C12orf42: variants seen among roughly 807,000 people sequenced by gnomAD.
C12orf42 encodes the protein uncharacterized protein C12orf42.
Under a neutral mutation model 21.6 loss-of-function variants are expected in C12orf42, and 25 were observed. That is an observed-to-expected ratio of 1.16 (90% CI 0.84 to 1.62). The LOEUF is 1.62. Among genes scored for constraint, C12orf42 ranks in the 40% most tolerant of loss-of-function variants. The pLI is 0.00. For missense variants in C12orf42, 483 were observed against 459.3 expected, an observed-to-expected ratio of 1.05 and a Z score of -0.47; for synonymous variants, 174 against 175.0, an observed-to-expected ratio of 0.99 and a Z score of 0.05.
chr12:103,390,140 T>C (rs1296431831), intron 3 of C12orf42, among the ~76,000 whole-genome samples: 2 of 152,224 alleles, frequency 1.3e-5, no homozygotes, highest in Non-Finnish European at 1.5e-5. Context: ...GTATGTGATA[T>C]AAGAGATCTG....
chr12:103,202,069 C>T, the C12orf42 span, among the ~76,000 whole-genome samples: 2 of 152,206 alleles, frequency 1.3e-5, no homozygotes, highest in Admixed American at 1.3e-4. Flanking sequence ...CCAGCAACCA[C>T]AGACTCTGGG....
At chr12:103,363,577 C>T (rs1173622475) in intron 4 of C12orf42, among the ~76,000 whole-genome samples, 1 of 152,064 alleles carries the variant, frequency 6.6e-6, no homozygotes, top group African/African-American at 2.4e-5. Flanking sequence ...ATTCACCAAC[C>T]AAGTATCTGC....
chr12:103,383,837 G>A (rs2046373857), intron 3 of C12orf42, among the ~76,000 whole-genome samples: 1 of 152,124 alleles, frequency 6.6e-6, no homozygotes, highest in African/African-American at 2.4e-5. Flanking sequence ...ATACCAATAA[G>A]GTGCCTAGTC....
chr12:103,279,040 C>T lies in C12orf42; in HGVS notation n.338-1830G>A, dbSNP rs576439369. On this transcript the variant is annotated intron_variant and non_coding_transcript_variant, in intron 4 of 6. Coordinates refer to the C12orf42 transcript ENST00000546526. ...CCTCTGGGCTCATCTGCATTGTTGC[C>T]TAAGGCAGGATTTCCTTCTCTTTTA... 2.6e-5 allele frequency among the ~76,000 whole-genome samples: 4 copies of T among 152,308 alleles called. No homozygotes were observed. The East Asian group carries it at 7.7e-4, about 29-fold the overall frequency.
chr12:103,454,540 G>T (rs1381173304), intron 2 of C12orf42, among the ~76,000 whole-genome samples: 1 of 152,002 alleles, frequency 6.6e-6, no homozygotes, highest in Non-Finnish European at 1.5e-5. Flanking sequence ...ATCCAAAAAA[G>T]ACCTTATCTA....
chr12:103,093,561 GAGGAACA>G, the C12orf42 span, among the ~76,000 whole-genome samples: 1 of 152,104 alleles, frequency 6.6e-6, no homozygotes, highest in African/African-American at 2.4e-5. Context: ...GGAAAGGTGA[GAGGAACA>G]AAGGGGATGT....
At chr12:103,486,058 A>G (rs988326170) in intron 1 of C12orf42, among the ~76,000 whole-genome samples, 6 of 152,222 alleles carry the variant, frequency 3.9e-5, no homozygotes, top group African/African-American at 1.4e-4. Flanking sequence ...GCCAGTTTTC[A>G]AAGGGAATGC....
At chr12:103,423,382 C>T (rs140186387) in intron 2 of C12orf42, among the ~76,000 whole-genome samples, 203 of 152,282 alleles carry the variant, frequency 1.3e-3, no homozygotes, top group African/African-American at 4.8e-3. Flanking sequence ...ATTCATAAAT[C>T]TTGAGGCTTA....
At chr12:103,524,962 TG>T in the C12orf42 span, among the ~76,000 whole-genome samples, 150 of 23,390 alleles carry the variant, frequency 6.4e-3, no homozygotes, top group African/African-American at 0.011. Flanking sequence ...TTAGTTTTTT[TG>T]GGGGGGGGGC....
chr12:103,378,040 AT>A (rs1481344235), intron 3 of C12orf42, among the ~76,000 whole-genome samples: 1 of 152,200 alleles, frequency 6.6e-6, no homozygotes, highest in Non-Finnish European at 1.5e-5. Context: ...GTTGTAGGGA[AT>A]GCTGGGGTAA....
At chr12:103,357,311 A>AAAT (rs1033964233) in intron 4 of C12orf42, among the ~76,000 whole-genome samples, 1 of 151,638 alleles carries the variant, frequency 6.6e-6, no homozygotes, top group Admixed American at 6.6e-5. Context: ...ATAAAATAAA[A>AAAT]AATAATAATA....
At chr12:103,210,644 T>C in the C12orf42 span, among the ~76,000 whole-genome samples, 433 of 149,064 alleles carry the variant, frequency 2.9e-3, 1 homozygote, top group African/African-American at 7.9e-3. Context: ...TATTTCTTTT[T>C]TTTTTTTTTT....
chr12:103,320,293 A>C (rs535376214), intron 4 of C12orf42, among the ~76,000 whole-genome samples: 3 of 152,378 alleles, frequency 2.0e-5, no homozygotes, highest in African/African-American at 7.2e-5. Flanking sequence ...ATATTAACTT[A>C]ATAACATGTA....
the C12orf42 span, among the ~76,000 whole-genome samples, chr12:103,145,009 GAT>G: frequency 6.6e-6 from 1 of 152,020 alleles, no homozygotes; most frequent in Non-Finnish European, 1.5e-5. Flanking sequence ...ATCTACCCTG[GAT>G]ATATTGGGGC....
the C12orf42 span, among the ~76,000 whole-genome samples, chr12:103,542,451 G>A: frequency 6.6e-6 from 1 of 152,216 alleles, no homozygotes; most frequent in African/African-American, 2.4e-5. Context: ...AGGCCACATC[G>A]ATGCAGGTTT....
intron 4 of C12orf42, among the ~76,000 whole-genome samples, chr12:103,284,841 CT>C (rs2036345464): frequency 6.6e-6 from 1 of 152,120 alleles, no homozygotes; most frequent in African/African-American, 2.4e-5. Context: ...ATAAAGACTA[CT>C]ATAATATAAG....
At chr12:103,299,423 T>C (rs1295098968), downstream of C12orf42, among the ~76,000 whole-genome samples, 1 of 152,002 alleles carries the variant, frequency 6.6e-6, no homozygotes, top group South Asian at 2.1e-4. Context: ...TTATCCTAAA[T>C]ACTTAGTTTC....
the C12orf42 span, among the ~76,000 whole-genome samples, chr12:103,544,616 C>T: frequency 6.6e-6 from 1 of 152,166 alleles, no homozygotes; most frequent in Non-Finnish European, 1.5e-5. Context: ...TCTCACTTCT[C>T]TTCTTCTACA....
At chr12:103,295,155 T>C (rs2037169146) in intron 4 of C12orf42, among the ~76,000 whole-genome samples, 1 of 152,212 alleles carries the variant, frequency 6.6e-6, no homozygotes, top group Admixed American at 6.5e-5. Flanking sequence ...AGCATTCTTC[T>C]TGAGGTTGAG....
Sources: allele counts gnomAD v4.1 joint callset (sites outside exome capture counted in the v4.1 genomes callset), GRCh38; gene constraint gnomAD v4.1.1; transcripts MANE v1.5; gene names NCBI Gene and HGNC (gene_info 2026-07-23, HGNC 2026-07-21).